Variants in CMAS observed in about 807,000 individuals in gnomAD.
The protein encoded by CMAS is N-acylneuraminate cytidylyltransferase.
CMAS carries 21 observed loss-of-function variants against 53.4 expected under a neutral mutation model. That is an observed-to-expected ratio of 0.39 (90% CI 0.28 to 0.57). The LOEUF is 0.57. Ranked by LOEUF, CMAS falls within the 20% of genes least tolerant of loss-of-function variation. The probability of loss-of-function intolerance (pLI) is 0.56; values close to 1 mark genes in which losing one functional copy is unlikely to be tolerated. For missense variants in CMAS, 384 were observed against 534.9 expected, an observed-to-expected ratio of 0.72 and a Z score of 2.78; for synonymous variants, 189 against 195.2, an observed-to-expected ratio of 0.97 and a Z score of 0.27.
chr12:22,054,593 C>T (rs1950256162), intron 1 of CMAS, among the ~76,000 whole-genome samples: 1 of 149,048 alleles, frequency 6.7e-6, no homozygotes, highest in South Asian at 2.1e-4. Context: ...ACTGTTTCAC[C>T]TTTAGGGTTT....
At chr12:22,059,128 TTATA>T (rs1216405572) in intron 4 of CMAS, among the ~76,000 whole-genome samples, 141 of 136,944 alleles carry the variant, frequency 1.0e-3, no homozygotes, top group African/African-American at 3.7e-3. Flanking sequence ...CGGAATCTTT[TTATA>T]TATATATATA....
intron 1 of CMAS, 76 bp downstream of exon 1, chr12:22,046,639 G>A (rs552248835): frequency 1.3e-5 from 18 of 1,381,752 alleles, no homozygotes; most frequent in Non-Finnish European, 1.6e-5. Context: ...GAGGGGCTGG[G>A]GCCTCCGGGG....
rs1227877925 is a variant in CMAS, at chr12:22,055,918, GT to G, written c.559+311del. On this transcript the variant is annotated intron_variant, in intron 3 of 7. Transcript: ENST00000229329. ...ATACTTTTATGTTTGTTCTAGACAT[GT>G]TTGATGAACTCCATACAAGTCATAT... Among the ~76,000 whole-genome samples the G allele has an allele frequency of 2.6e-5, 4 of 152,252 alleles. No individual in the cohort carries two copies. In the South Asian group the frequency reaches 6.2e-4, roughly 24 times the overall value.
chr12:22,050,851 A>G (rs1051288912), intron 1 of CMAS, among the ~76,000 whole-genome samples: 1 of 151,964 alleles, frequency 6.6e-6, no homozygotes, highest in African/African-American at 2.4e-5. Context: ...ATGAGCAAGT[A>G]CCCTCTTATT....
In CMAS at chr12:22,063,049, G is replaced by A. The variant is rs1307570356; in HGVS notation, c.1114+615G>A. Among the ~76,000 whole-genome samples the A allele has an allele frequency of 2.0e-5, 3 of 152,200 alleles. No individual in the cohort carries two copies. The East Asian group carries it at 5.8e-4, about 29-fold the overall frequency. On this transcript the variant is annotated intron_variant, in intron 7 of 7. Transcript: ENST00000229329. Reference sequence around the variant, plus strand: ...CAAATATAACAATGTTTTTCACTTGGATATTAAGCAATACACTTACTTACC... The same window carrying A: ...CAAATATAACAATGTTTTTCACTTGAATATTAAGCAATACACTTACTTACC...
chr12:22,049,369 G>T (rs1043967148), intron 1 of CMAS, among the ~76,000 whole-genome samples: 1 of 152,170 alleles, frequency 6.6e-6, no homozygotes, highest in Non-Finnish European at 1.5e-5. Context: ...AACCATTACA[G>T]CAGGCATTGG....
At chr12:22,054,054 G>A (rs1042157149) in intron 1 of CMAS, among the ~76,000 whole-genome samples, 11 of 151,540 alleles carry the variant, frequency 7.3e-5, no homozygotes, top group African/African-American at 2.7e-4. Context: ...AGCCTCCCTA[G>A]TAGCTGGGAT....
intron 7 of CMAS, among the ~76,000 whole-genome samples, chr12:22,062,824 C>T (rs1037429671): frequency 2.0e-5 from 3 of 152,136 alleles, no homozygotes; most frequent in Admixed American, 6.6e-5. Flanking sequence ...ATGAATTACA[C>T]TCTGAATAGT....
rs1480460873 is a variant in CMAS at position 22,058,961 on chromosome 12, C to CAT, written c.693+262_693+263dup. Among the ~76,000 whole-genome samples, 4 of 152,120 alleles carry CAT rather than the reference C, an allele frequency of 2.6e-5. No individual in the cohort carries two copies. The East Asian group carries it at 7.7e-4, about 29-fold the overall frequency. ...ATGAATCAAGTACTGGGTGTCTACACATGTCCTGGTACTCATATTATTCCA... is the reference window on the plus strand; with the variant it reads ...ATGAATCAAGTACTGGGTGTCTACACATATGTCCTGGTACTCATATTATTCCA... On this transcript the variant is annotated intron_variant, in intron 4 of 7. Coordinates refer to ENST00000229329, the MANE Select transcript of CMAS (RefSeq NM_018686.6).
At chr12:22,053,488 G>A (rs1001914036) in intron 1 of CMAS, among the ~76,000 whole-genome samples, 2 of 144,806 alleles carry the variant, frequency 1.4e-5, no homozygotes, top group African/African-American at 2.5e-5. Context: ...GTTTGTGTGT[G>A]TATATATATA....
chr12:22,060,820 T>C lies in CMAS; in HGVS notation c.694-12T>C. On this transcript the variant is annotated splice_polypyrimidine_tract_variant and intron_variant, in intron 4 of 7. Coordinates refer to ENST00000229329, the MANE Select transcript of CMAS (RefSeq NM_018686.6). The stretch of plus-strand genomic sequence containing the variant: ...TTAAAAACAGTATTCATGACATTTA[T>C]ACTACCTTTAGGGTGGAAAAATGGC... The C allele has an allele frequency of 6.6e-7, 1 of 1,504,636 alleles. No individual in the cohort carries two copies. The highest frequency in any genetic ancestry group is 9.2e-7 in the Non-Finnish European group (1 of 1,082,072). The allele number at this position is 1,504,636 out of a possible 1,614,324, so 93.2% of individuals were successfully genotyped here. A position where few individuals can be genotyped will look rare whatever the true frequency, so the allele number is the denominator to read the frequency against.
intron 4 of CMAS, among the ~76,000 whole-genome samples, chr12:22,060,043 G>C (rs1356561733): frequency 6.6e-6 from 1 of 151,980 alleles, no homozygotes; most frequent in Admixed American, 6.6e-5. Flanking sequence ...CTGTACAACA[G>C]ATGCTACAGT....
chr12:22,053,450 G>A (rs897724562), intron 1 of CMAS, among the ~76,000 whole-genome samples: 4 of 148,342 alleles, frequency 2.7e-5, no homozygotes, highest in Non-Finnish European at 4.5e-5. Context: ...ATATAATTTT[G>A]TATGTATATA....
Position 22,063,030 on chromosome 12 carries a change from T to TAACA in CMAS, c.1114+598_1114+601dup, listed in dbSNP as rs139162557. Among the ~76,000 whole-genome samples the TAACA allele has an allele frequency of 6.2e-3, 938 of 152,338 alleles. 13 individuals are homozygous for TAACA. The highest frequency in any genetic ancestry group is 0.022 in the African/African-American group (902 of 41,578). ...CTGTATTTATTTGCATGATCAAATA[T>TAACA]AACAATGTTTTTCACTTGGATATTA... is the stretch of plus-strand genomic sequence containing the variant. On this transcript the variant is annotated intron_variant, in intron 7 of 7. Coordinates refer to ENST00000229329, the MANE Select transcript of CMAS (RefSeq NM_018686.6).
intron 3 of CMAS, among the ~76,000 whole-genome samples, chr12:22,057,920 C>T (rs192694168): frequency 2.6e-5 from 4 of 151,340 alleles, no homozygotes; most frequent in South Asian, 2.1e-4. Context: ...CTCCCCCCCC[C>T]GGGTTCAAGC....
At chr12:22,061,619 G>C (rs1213144772) in intron 6 of CMAS, among the ~76,000 whole-genome samples, 167 bp downstream of exon 6, 1 of 152,062 alleles carries the variant, frequency 6.6e-6, no homozygotes, top group Non-Finnish European at 1.5e-5. Context: ...TAGATGAGTA[G>C]AATTAGGAAT....
chr12:22,060,951 C>A (rs1201202324), intron 5 of CMAS, 25 bp downstream of exon 5: 9 of 1,270,874 alleles, frequency 7.1e-6, no homozygotes, highest in African/African-American at 1.5e-5. Context: ...ACCTTTATAA[C>A]CTTTGTACTA....
chr12:22,061,719 A>T (rs966088227), intron 6 of CMAS, among the ~76,000 whole-genome samples: 4 of 152,168 alleles, frequency 2.6e-5, no homozygotes, highest in African/African-American at 7.2e-5. Context: ...TTCCCAAAGG[A>T]TCTTGCAGCA....
chr12:22,058,844 A>G (rs564545130), intron 4 of CMAS, 144 bp downstream of exon 4: 307 of 936,710 alleles, frequency 3.3e-4, no homozygotes, highest in Non-Finnish European at 4.2e-4. Flanking sequence ...AACATTTGCT[A>G]TCTGAGGCAT....
Sources: gnomAD v4.1 joint callset for allele counts (sites outside exome capture counted in the v4.1 genomes callset) on GRCh38, gnomAD v4.1.1 for gene constraint, MANE v1.5 for transcripts, NCBI Gene and HGNC (gene_info 2026-07-23, HGNC 2026-07-21) for gene names.